The following DAB1 variants were observed in gnomAD, a reference collection of about 807,000 sequenced individuals.
The protein encoded by DAB1 is disabled homolog 1.
A neutral mutation model predicts 64.6 loss-of-function variants in DAB1; 15 were observed. The ratio of observed to expected loss-of-function variants is 0.23; its 90% CI spans 0.16 to 0.36. The LOEUF is 0.36. Among genes scored for constraint, DAB1 ranks in the 10% least tolerant of loss-of-function variants. DAB1 has a pLI of 1.00. For missense variants in DAB1, 596 were observed against 706.7 expected (o/e 0.84, Z 1.78); for synonymous variants, 235 against 251.9 (o/e 0.93, Z 0.64).
At chr1:57,682,744 G>C (rs1197858279) in intron 6 of DAB1, among the ~76,000 whole-genome samples, 1 of 152,090 alleles carries the variant, frequency 6.6e-6, no homozygotes, top group Non-Finnish European at 1.5e-5. Context: ...GCTTTTGTGT[G>C]GGGGGAAGCT....
In DAB1 at chr1:56,999,666, C is replaced by G. The variant is rs114048738; in HGVS notation, c.*16-1538G>C. Among the ~76,000 whole-genome samples the G allele has an allele frequency of 5.2e-4, 79 of 152,238 alleles. 1 individual carries two copies. The highest frequency in any genetic ancestry group is 9.7e-4 in the Non-Finnish European group (66 of 68,018). On this transcript the variant is annotated intron_variant, in intron 14 of 14. Transcript: ENST00000371236. ...CCTAGAAGATAAGGTTGTACTGGCCCATCATTGTACAGATGAGGAATCTGA... is the reference window on the plus strand; with the variant it reads ...CCTAGAAGATAAGGTTGTACTGGCCGATCATTGTACAGATGAGGAATCTGA...
At chr1:58,507,298 C>T (rs888070985) in intron 2 of DAB1, among the ~76,000 whole-genome samples, 1 of 151,732 alleles carries the variant, frequency 6.6e-6, no homozygotes, top group African/African-American at 2.4e-5. Context: ...ATATACTATA[C>T]TGACTAAAAT....
chr1:57,162,113 G>A (rs773000404), intron 2 of DAB1, among the ~76,000 whole-genome samples: 2 of 152,280 alleles, frequency 1.3e-5, no homozygotes, highest in South Asian at 2.1e-4. Context: ...TTTTCCCTGC[G>A]AGAATGCCTC....
chr1:58,321,303 C>T (rs1428462640), intron 4 of DAB1, among the ~76,000 whole-genome samples: 12 of 152,188 alleles, frequency 7.9e-5, no homozygotes, highest in Admixed American at 1.3e-4. Flanking sequence ...ATTCATCATT[C>T]GCGAATAGTA....
At chr1:57,418,054 A>G (rs1467508832) in intron 1 of DAB1, among the ~76,000 whole-genome samples, 1 of 152,136 alleles carries the variant, frequency 6.6e-6, no homozygotes, top group Non-Finnish European at 1.5e-5. Flanking sequence ...TGTAACAGTT[A>G]TTTATGCATG....
chr1:57,003,324 C>T (rs1436324105), intron 14 of DAB1, among the ~76,000 whole-genome samples: 2 of 152,178 alleles, frequency 1.3e-5, no homozygotes, highest in Middle Eastern at 3.2e-3. Context: ...GAAACTTTTA[C>T]AGTTTATATA....
chr1:57,655,250 C>T (rs1281462094), intron 6 of DAB1, among the ~76,000 whole-genome samples: 8 of 152,050 alleles, frequency 5.3e-5, no homozygotes, highest in South Asian at 2.1e-4. Context: ...TCCATTCATC[C>T]GTCCATCCAA....
At chr1:58,006,593 A>C (rs141244436) in intron 5 of DAB1, among the ~76,000 whole-genome samples, 1,672 of 152,272 alleles carry the variant, frequency 0.011, 8 homozygotes, top group Non-Finnish European at 0.017. Flanking sequence ...AATGTTCAAT[A>C]AATGTTTGTT....
intron 3 of DAB1, among the ~76,000 whole-genome samples, chr1:58,377,682 A>G (rs1644342484): frequency 7.2e-6 from 1 of 139,806 alleles, no homozygotes; most frequent in South Asian, 2.3e-4. Flanking sequence ...CTCGAAGAGT[A>G]TCTTTGTGGT....
chr1:57,827,508 C>T (rs919533951), intron 1 of DAB1, among the ~76,000 whole-genome samples: 1 of 152,142 alleles, frequency 6.6e-6, no homozygotes, highest in Admixed American at 6.5e-5. Flanking sequence ...ATGACATCTA[C>T]CTCATCAAAT....
chr1:57,505,913 G>T (rs889257591), intron 7 of DAB1, among the ~76,000 whole-genome samples: 1 of 152,020 alleles, frequency 6.6e-6, no homozygotes, highest in Non-Finnish European at 1.5e-5. Flanking sequence ...CAAGCAATCT[G>T]CCCCGCCTCA....
chr1:57,719,028 A>G (rs1460926508), intron 6 of DAB1, among the ~76,000 whole-genome samples: 3 of 152,186 alleles, frequency 2.0e-5, no homozygotes, highest in Non-Finnish European at 4.4e-5. Flanking sequence ...TCAGGCTGGA[A>G]ATTATGCATC....
At position 58,517,336 on chromosome 1, in the gene DAB1, C is replaced by T. The variant is rs1646173218; in HGVS notation, n.107+9925G>A. Among the ~76,000 whole-genome samples, 3 of 152,184 alleles carry T rather than the reference C, an allele frequency of 2.0e-5. No individual in the cohort carries two copies. The South Asian group carries it at 6.2e-4, about 32-fold the overall frequency. On this transcript the variant is annotated intron_variant and non_coding_transcript_variant, in intron 2 of 20. Transcript: ENST00000485760. ...CATTGGTGCTCTTGAATTCTGTTGA[C>T]ATTTTAACCACAACAAATTTTCAAT...
intron 1 of DAB1, among the ~76,000 whole-genome samples, chr1:57,369,067 G>T (rs1364144523): frequency 6.6e-6 from 1 of 152,204 alleles, no homozygotes; most frequent in Non-Finnish European, 1.5e-5. Flanking sequence ...AAATCAAGGA[G>T]ACAGGCAATA....
chr1:57,338,796 A>G (rs1051951223), intron 1 of DAB1, among the ~76,000 whole-genome samples: 2 of 152,172 alleles, frequency 1.3e-5, no homozygotes, highest in Non-Finnish European at 2.9e-5. Flanking sequence ...AGGGGCCCCA[A>G]GTCATCTTGG....
chr1:57,998,505 A>C (rs965803191), intron 5 of DAB1, among the ~76,000 whole-genome samples: 1 of 150,616 alleles, frequency 6.6e-6, no homozygotes, highest in Non-Finnish European at 1.5e-5. Context: ...CTGGGACTAC[A>C]GGCGCACACC....
chr1:58,320,342 A>T (rs1225007795), intron 4 of DAB1, among the ~76,000 whole-genome samples: 2 of 152,206 alleles, frequency 1.3e-5, no homozygotes, highest in Non-Finnish European at 2.9e-5. Flanking sequence ...TAATCTTACA[A>T]TTGCCAAGGG....
intron 7 of DAB1, among the ~76,000 whole-genome samples, chr1:57,461,013 G>T (rs975465009): frequency 6.6e-6 from 1 of 152,120 alleles, no homozygotes; most frequent in Non-Finnish European, 1.5e-5. Flanking sequence ...ATTAAGCCCC[G>T]CATGCATTAG....
chr1:57,692,388 GAGAGAGGAAGAGAGAA>G (rs1389062812), intron 6 of DAB1, among the ~76,000 whole-genome samples: 1 of 152,066 alleles, frequency 6.6e-6, no homozygotes, highest in African/African-American at 2.4e-5. Context: ...AGGAAAGAGA[GAGAGAGGAAGAGAGAA>G]AGAGAAAGAG....
Sources: gnomAD v4.1 joint callset for allele counts (sites outside exome capture counted in the v4.1 genomes callset) on GRCh38, gnomAD v4.1.1 for gene constraint, MANE v1.5 for transcripts, NCBI Gene and HGNC (gene_info 2026-07-23, HGNC 2026-07-21) for gene names.